Variants in MYH9 observed in about 807,000 individuals in gnomAD.
The protein encoded by MYH9 is myosin-9.
In MYH9, 29 loss-of-function variants were observed where a neutral mutation model predicts 241.9. That is an observed-to-expected ratio of 0.12 (90% CI 0.09 to 0.16). MYH9 has a LOEUF of 0.16. Among genes scored for constraint, MYH9 ranks in the 10% least tolerant of loss-of-function variants. MYH9 has a pLI of 1.00. For missense variants in MYH9, 1,803 were observed against 2,595.5 expected, an observed-to-expected ratio of 0.69 and a Z score of 6.63; for synonymous variants, 1,047 against 1,062.6, an observed-to-expected ratio of 0.99 and a Z score of 0.29.
intron 11 of MYH9, among the ~76,000 whole-genome samples, chr22:36,317,783 C>T (rs1343632109): frequency 6.6e-6 from 1 of 152,232 alleles, no homozygotes; most frequent in Admixed American, 6.5e-5. Flanking sequence ...CGTGGCAAGC[C>T]CAAGGCAGCA....
In MYH9 at chr22:36,282,214, G is replaced by A; in HGVS notation, c.*454C>T. On this transcript the variant is annotated 3_prime_UTR_variant, in exon 41 of 41. Transcript: ENST00000216181. ...ACCACGTGTGATTGCAAACAGCAAA[G>A]AAAGGAGGAGGAGTGGGGGCGCTGG... is the stretch of plus-strand genomic sequence containing the variant. 2.8e-6 allele frequency: 1 copy of A among 358,176 alleles called. No homozygotes were observed. Among genetic ancestry groups the A allele is most frequent in the East Asian group, 4.6e-5 (1 of 21,662 alleles). The allele number at this position is 358,176 out of a possible 1,614,324, so 22.2% of individuals were successfully genotyped here. A position where few individuals can be genotyped will look rare whatever the true frequency, so the allele number is the denominator to read the frequency against.
At chr22:36,314,461 C>T in intron 12 of MYH9, 143 bp from the exon 13 acceptor site, 1 of 1,035,234 alleles carries the variant, frequency 9.7e-7, no homozygotes, top group Non-Finnish European at 1.4e-6. Flanking sequence ...AGCCCGGATG[C>T]TCCTGGCCTT....
chr22:36,316,496 G>A (rs1436065282), intron 12 of MYH9, 21 bp downstream of exon 12: 1 of 1,613,962 alleles, frequency 6.2e-7, no homozygotes. Context: ...AGCAGGGTGG[G>A]TAATGAAGGG....
At position 36,285,456 on chromosome 22, in the gene MYH9, G is replaced by A; in HGVS notation, c.5275-127C>T. ...GGGGTCCAGAGTCTTGGGTCTCCCA[G>A]AAAAGGGAAGATTAGAAACTTCTGA... On this transcript the variant is annotated intron_variant, in intron 37 of 40. Coordinates refer to ENST00000216181, the MANE Select transcript of MYH9 (RefSeq NM_002473.6). This position sits in a 1 kb window ranked among gnomAD's most constrained non-coding sequence, Gnocchi z 7.0. 4 of 1,317,064 alleles carry A rather than the reference G, an allele frequency of 3.0e-6. No homozygotes were observed. The highest frequency in any genetic ancestry group is 4.3e-6 in the Non-Finnish European group (4 of 935,054). 81.6% of individuals were successfully genotyped at this position (1,317,064 alleles called of 1,614,324 possible). A position where few individuals can be genotyped will look rare whatever the true frequency, so the allele number is the denominator to read the frequency against.
In MYH9 at chr22:36,294,298, C is replaced by T; in HGVS notation, c.3631G>A (p.Val1211Met). The change falls in exon 28 of 41, where the codon GTG (valine) becomes ATG (methionine). Residue 1211 changes from valine to methionine, a missense_variant and splice_region_variant. Val to Met is a conservative substitution (Grantham distance 21). Transcript: ENST00000216181. ...LAEQLEQTKRVKANLEKAKQT... is the reference protein window; with the variant it reads ...LAEQLEQTKRMKANLEKAKQT... ...TTTGCCTTCTCGAGGTTTGCTTTCA[C>T]CTAGCAGGGAAGAAAGCAAAGACGT... 1.9e-6 allele frequency: 3 copies of T among 1,613,620 alleles called. No homozygotes were observed. The highest frequency in any genetic ancestry group is 2.5e-6 in the Non-Finnish European group (3 of 1,180,026).
At chr22:36,294,840 C>A in intron 27 of MYH9, 92 bp downstream of exon 27, 1 of 1,565,874 alleles carries the variant, frequency 6.4e-7, no homozygotes, top group Non-Finnish European at 8.7e-7. Context: ...TTGGGTAGAA[C>A]CCTGCAACTG....
Position 36,306,651 on chromosome 22 carries a change from G to A in MYH9, c.1844-44C>T. ...ACACGTGAGTGCCCACACAGTTGCA[G>A]CTGGGTGGTGGGGGAGCACGTAGGA... On this transcript the variant is annotated intron_variant, in intron 15 of 40. Coordinates refer to ENST00000216181, the MANE Select transcript of MYH9 (RefSeq NM_002473.6). This position sits in a 1 kb window ranked among gnomAD's most constrained non-coding sequence, Gnocchi z 4.1. The A allele has an allele frequency of 6.4e-7, 1 of 1,574,204 alleles. No homozygotes were observed. The highest frequency in any genetic ancestry group is 8.7e-7 in the Non-Finnish European group (1 of 1,154,586).
rs552643559 is a variant in MYH9, at chr22:36,285,338, GA to G, written c.5275-10del. 4.1e-4 allele frequency: 663 copies of G among 1,606,556 alleles called. 2 individuals carry two copies. In the African/African-American group the frequency reaches 8.3e-3, roughly 20 times the overall value. On this transcript the variant is annotated splice_polypyrimidine_tract_variant and intron_variant, in intron 37 of 40. Transcript: ENST00000216181. The surrounding 1 kb of genome is among the most constrained non-coding windows in gnomAD (Gnocchi z 7.0). ...GTGTTGATCTGGTCGATCTGCAGAA[GA>G]AGGGCCAGTGACCTTGGGGAGGGCT...
Position 36,320,268 on chromosome 22 carries a change from T to C in MYH9, c.964A>G (p.Thr322Ala), listed in dbSNP as rs1291719553. ...GQQDKDMFQE[T>A]MEAMRIMGIP... is the part of the protein sequence containing the mutation. The stretch of plus-strand genomic sequence containing the variant: ...CCCATAATCCTCATGGCCTCCATGG[T>C]CTCCTGGAACATGTCCTTGTCCTGC... Residue 322 changes from threonine (T) to alanine (A), a missense_variant, in exon 9 of 41, where the codon ACC becomes GCC. Around this residue, in one of 11 missense-constraint regions of MYH9, gnomAD observed 222 missense variants for 359.9 expected, o/e 0.62. Coordinates refer to ENST00000216181, the MANE Select transcript of MYH9 (RefSeq NM_002473.6). The surrounding 1 kb of genome is among the most constrained non-coding windows in gnomAD (Gnocchi z 4.8). 2 of 1,614,184 alleles carry C rather than the reference T, an allele frequency of 1.2e-6. No individual in the cohort carries two copies. Among genetic ancestry groups the C allele is most frequent in the Admixed American group, 3.3e-5 (2 of 60,034 alleles).
At chr22:36,366,419 A>G (rs535170315) in intron 1 of MYH9, among the ~76,000 whole-genome samples, 1 of 152,192 alleles carries the variant, frequency 6.6e-6, no homozygotes, top group East Asian at 1.9e-4. Context: ...ACTCCAGGCA[A>G]GTGAGACTCA....
In MYH9 at chr22:36,300,347, C is replaced by G; in HGVS notation, c.2839-83G>C. 3 of 1,585,772 alleles carry G rather than the reference C, an allele frequency of 1.9e-6. No individual in the cohort carries two copies. The South Asian group carries it at 3.3e-5, about 17-fold the overall frequency. On this transcript the variant is annotated intron_variant, in intron 22 of 40. Coordinates refer to ENST00000216181, the MANE Select transcript of MYH9 (RefSeq NM_002473.6). The surrounding 1 kb of genome is among the most constrained non-coding windows in gnomAD (Gnocchi z 5.0). The stretch of plus-strand genomic sequence containing the variant: ...AGGCAGCAAGGTCCGAAGGCCAGAT[C>G]CAAACGCCAAGGAGAAAATAGCAAG...
chr22:36,288,551 G>A lies in MYH9; in HGVS notation c.4771-138C>T. ...AACCAGTGGGGATTACTGACCATAAGAACTCTAAGAAAGTGAGTCACTGAA... is the reference window on the plus strand; with the variant it reads ...AACCAGTGGGGATTACTGACCATAAAAACTCTAAGAAAGTGAGTCACTGAA... On this transcript the variant is annotated intron_variant, in intron 33 of 40. Transcript: ENST00000216181. This position sits in a 1 kb window ranked among gnomAD's most constrained non-coding sequence, Gnocchi z 4.8. The A allele has an allele frequency of 7.4e-7, 1 of 1,359,284 alleles. No individual in the cohort carries two copies. The highest frequency in any genetic ancestry group is 1.0e-6 in the Non-Finnish European group (1 of 966,552). 84.2% of individuals were successfully genotyped at this position (1,359,284 alleles called of 1,614,324 possible).
At position 36,285,860 on chromosome 22, in the gene MYH9, C is replaced by T. The variant is rs765376855; in HGVS notation, c.5150+5G>A. ...CCCCCAACTCTGCCCCCTCACTCAG[C>T]TCACCCTTTGCCGCTGCTGTTGGCG... On this transcript the variant is annotated splice_donor_5th_base_variant and intron_variant, in intron 36 of 40. Coordinates refer to ENST00000216181, the MANE Select transcript of MYH9 (RefSeq NM_002473.6). This position sits in a 1 kb window ranked among gnomAD's most constrained non-coding sequence, Gnocchi z 7.0. The T allele has an allele frequency of 6.2e-7, 1 of 1,613,810 alleles. No homozygotes were observed. Among genetic ancestry groups the T allele is most frequent in the Non-Finnish European group, 8.5e-7 (1 of 1,180,012 alleles).
rs779864459 is a variant in MYH9, at chr22:36,284,281, T to C, written c.5593-16A>G. The C allele has an allele frequency of 6.2e-7, 1 of 1,607,216 alleles. No individual in the cohort carries two copies. Among genetic ancestry groups the C allele is most frequent in the African/African-American group, 1.3e-5 (1 of 74,904 alleles). On this transcript the variant is annotated splice_polypyrimidine_tract_variant and intron_variant, in intron 39 of 40. Coordinates refer to ENST00000216181, the MANE Select transcript of MYH9 (RefSeq NM_002473.6). ...CCTTGTCGGCCTGCGGAGATGGACG[T>C]GTGGCCCGTGGCCCCGGTTAGGGGC...
intron 1 of MYH9, among the ~76,000 whole-genome samples, chr22:36,359,387 T>C (rs1183490803): frequency 1.3e-5 from 2 of 152,176 alleles, no homozygotes; most frequent in Non-Finnish European, 2.9e-5. Context: ...GCTGTGGCTG[T>C]GCAAAGAGGG....
intron 3 of MYH9, 72 bp from the exon 4 acceptor site, chr22:36,327,560 G>A: frequency 1.3e-6 from 2 of 1,567,366 alleles, no homozygotes; most frequent in Non-Finnish European, 1.8e-6. Flanking sequence ...CCAAAGAGCT[G>A]CCCGTTTCCC....
rs142467329 is a variant in MYH9, at chr22:36,301,574, G to A, written c.2591C>T (p.Ala864Val). ...LVKVREKQLA[A>V]ENRLTEMETL... ...CTCCATCTCCGTGAGCCTGTTCTCC[G>A]CAGCCAGCTGCTTCTCTCTGACCTT... Residue 864 changes from alanine to valine, a missense_variant, in exon 21 of 41, where the codon GCG becomes GTG. Transcript: ENST00000216181. 374 of 1,613,814 alleles carry A rather than the reference G, an allele frequency of 2.3e-4. No individual in the cohort carries two copies. Among genetic ancestry groups the A allele is most frequent in the Non-Finnish European group, 2.2e-4 (263 of 1,180,016 alleles).
At chr22:36,341,924 C>T (rs780500815) in intron 2 of MYH9, among the ~76,000 whole-genome samples, 1 of 152,226 alleles carries the variant, frequency 6.6e-6, no homozygotes, top group African/African-American at 2.4e-5. Context: ...TCAGCTGCAG[C>T]GCAGCAAACT....
intron 2 of MYH9, among the ~76,000 whole-genome samples, chr22:36,344,383 C>A (rs923119161): frequency 2.0e-5 from 3 of 152,180 alleles, no homozygotes; most frequent in African/African-American, 7.2e-5. Context: ...AAACAGGCTG[C>A]ACGAAGGCTC....
Sources: gnomAD v4.1 joint callset for allele counts (sites outside exome capture counted in the v4.1 genomes callset) on GRCh38, gnomAD v4.1.1 for gene constraint, gnomAD v4.1.1 regional missense constraint, Gnocchi (gnomAD v3.1) non-coding constraint, MANE v1.5 for transcripts, NCBI Gene and HGNC (gene_info 2026-07-23, HGNC 2026-07-21) for gene names.